Variants in CACNA2D3 observed in about 807,000 individuals in gnomAD.
CACNA2D3 encodes calcium voltage-gated channel auxiliary subunit alpha2delta 3.
A neutral mutation model predicts 160.6 loss-of-function variants in CACNA2D3; 60 were observed. The observed-to-expected ratio is 0.37, with a 90% CI of 0.30 to 0.46. The LOEUF (loss-of-function observed/expected upper bound fraction) is 0.46, where lower values mean the gene tolerates loss of function less well. Ranked by LOEUF, CACNA2D3 falls within the 20% of genes least tolerant of loss-of-function variation. CACNA2D3 has a pLI of 1.00. For missense variants in CACNA2D3, 1,205 were observed against 1,365.0 expected (o/e 0.88, Z 1.85); for synonymous variants, 558 against 492.9 (o/e 1.13, Z -1.75).
intron 5 of CACNA2D3, among the ~76,000 whole-genome samples, chr3:54,515,174 C>CTG (rs34453702): frequency 0.42 from 56,742 of 133,718 alleles, 11,493 homozygotes; most frequent in Non-Finnish European, 0.49. Context: ...GTGTGTGTGT[C>CTG]TGTGTGTGTG....
chr3:54,459,685 T>A (rs1026970520), intron 4 of CACNA2D3, among the ~76,000 whole-genome samples: 2 of 151,936 alleles, frequency 1.3e-5, no homozygotes, highest in African/African-American at 4.8e-5. Context: ...CTTTGTCAGA[T>A]GAGTAGGTTG....
intron 13 of CACNA2D3, among the ~76,000 whole-genome samples, chr3:54,806,976 G>C (rs1703145357): frequency 6.6e-6 from 1 of 152,170 alleles, no homozygotes; most frequent in Admixed American, 6.5e-5. Flanking sequence ...CTTAATAAAT[G>C]GTGCTGGGAA....
chr3:54,651,060 A>G (rs1699754998), intron 11 of CACNA2D3, among the ~76,000 whole-genome samples: 1 of 152,204 alleles, frequency 6.6e-6, no homozygotes, highest in African/African-American at 2.4e-5. Context: ...CCAGCACTCA[A>G]ATGCTGAGCC....
At chr3:54,839,405 A>G (rs1426404734) in intron 16 of CACNA2D3, among the ~76,000 whole-genome samples, 2 of 152,180 alleles carry the variant, frequency 1.3e-5, no homozygotes, top group Non-Finnish European at 2.9e-5. Context: ...GCACTGCCCA[A>G]GAGTGCTCTA....
intron 11 of CACNA2D3, among the ~76,000 whole-genome samples, chr3:54,733,209 T>C (rs1246256489): frequency 2.6e-5 from 4 of 152,232 alleles, no homozygotes. Context: ...TTAGTAATCT[T>C]AATGTAAACA....
chr3:54,814,522 T>A (rs1284993300), intron 13 of CACNA2D3, among the ~76,000 whole-genome samples: 1 of 152,238 alleles, frequency 6.6e-6, no homozygotes. Flanking sequence ...ACAGAGGATC[T>A]GATCTAAATA....
intron 17 of CACNA2D3, among the ~76,000 whole-genome samples, chr3:54,864,328 C>A (rs915061583): frequency 1.3e-5 from 2 of 151,118 alleles, no homozygotes; most frequent in African/African-American, 4.9e-5. Flanking sequence ...GGCTGGAGTG[C>A]GGTGGCACAA....
intron 4 of CACNA2D3, among the ~76,000 whole-genome samples, chr3:54,464,142 A>G: frequency 6.6e-6 from 1 of 152,136 alleles, no homozygotes; most frequent in East Asian, 1.9e-4. Flanking sequence ...GTTTTGTCTC[A>G]GAGGAGTACC....
At chr3:54,123,043 C>G (rs13095161) in intron 1 of CACNA2D3, among the ~76,000 whole-genome samples, 24,430 of 152,122 alleles carry the variant, frequency 0.16, 2,070 homozygotes, top group East Asian at 0.19. Context: ...CGAGTGAGAT[C>G]TGGAGAGGCT....
At chr3:54,178,211 A>G (rs1700711805) in intron 2 of CACNA2D3, among the ~76,000 whole-genome samples, 1 of 152,236 alleles carries the variant, frequency 6.6e-6, no homozygotes, top group Non-Finnish European at 1.5e-5. Flanking sequence ...ACTCAGGGTT[A>G]GTACTCAGAA....
At chr3:54,943,920 T>C (rs1026933696) in intron 27 of CACNA2D3, among the ~76,000 whole-genome samples, 6 of 152,206 alleles carry the variant, frequency 3.9e-5, no homozygotes, top group African/African-American at 1.4e-4. Context: ...CATTTTCCAG[T>C]AGTTTACTAA....
chr3:54,279,214 T>G (rs1406581888), intron 2 of CACNA2D3, among the ~76,000 whole-genome samples: 1 of 152,072 alleles, frequency 6.6e-6, no homozygotes, highest in Non-Finnish European at 1.5e-5. Flanking sequence ...AATGCACAAG[T>G]CCAAGCAGGG....
chr3:54,896,304 G>T (rs2106879180), intron 25 of CACNA2D3, among the ~76,000 whole-genome samples: 2 of 152,314 alleles, frequency 1.3e-5, no homozygotes, highest in Middle Eastern at 6.8e-3. Flanking sequence ...CACTTCTTCT[G>T]AGAAGCGTGT....
intron 2 of CACNA2D3, among the ~76,000 whole-genome samples, chr3:54,254,788 C>T (rs1455161390): frequency 6.6e-6 from 1 of 152,174 alleles, no homozygotes; most frequent in Non-Finnish European, 1.5e-5. Context: ...TGGGAAAATG[C>T]TGTGCACAGC....
chr3:55,014,085 C>T (rs763151019), intron 34 of CACNA2D3, among the ~76,000 whole-genome samples: 13 of 152,124 alleles, frequency 8.5e-5, no homozygotes, highest in South Asian at 2.1e-4. Context: ...ACCTTGGGCA[C>T]GTGTCTTCGT....
chr3:54,491,958 C>T (rs77150350), intron 4 of CACNA2D3, among the ~76,000 whole-genome samples: 3,101 of 152,246 alleles, frequency 0.02, 84 homozygotes, highest in East Asian at 0.11. Context: ...TCTCAACACG[C>T]ACAGGCAGTC....
chr3:54,533,834 G>A (rs185603377), intron 5 of CACNA2D3, among the ~76,000 whole-genome samples: 1 of 151,676 alleles, frequency 6.6e-6, no homozygotes, highest in Non-Finnish European at 1.5e-5. Context: ...TGTGTTAATA[G>A]GGTGTGTAAA....
intron 14 of CACNA2D3, among the ~76,000 whole-genome samples, chr3:54,836,033 T>A (rs1409390530): frequency 6.6e-6 from 1 of 152,160 alleles, no homozygotes; most frequent in African/African-American, 2.4e-5. Flanking sequence ...CAGATTTGTC[T>A]TGGGCCAAAG....
chr3:54,584,630 T>G (rs1310892396), intron 9 of CACNA2D3, among the ~76,000 whole-genome samples: 1 of 152,186 alleles, frequency 6.6e-6, no homozygotes, highest in Non-Finnish European at 1.5e-5. Flanking sequence ...ATGTATTGTC[T>G]GGAAACTCCC....
Sources: gnomAD v4.1 joint callset for allele counts (sites outside exome capture counted in the v4.1 genomes callset) on GRCh38, gnomAD v4.1.1 for gene constraint, MANE v1.5 for transcripts, NCBI Gene and HGNC (gene_info 2026-07-23, HGNC 2026-07-21) for gene names.